The following CSMD1 variants were observed in gnomAD, a reference collection of about 807,000 sequenced individuals.
The protein encoded by CSMD1 is CUB and Sushi multiple domains 1.
CSMD1 carries 213 observed loss-of-function variants against 417.5 expected under a neutral mutation model. The ratio of observed to expected loss-of-function variants is 0.51; its 90% confidence interval spans 0.46 to 0.57. CSMD1 has a LOEUF of 0.57. Among genes scored for constraint, CSMD1 ranks in the 20% least tolerant of loss-of-function variants. The pLI is 0.00. For missense variants in CSMD1, 6,923 were observed against 4,529.7 expected (o/e 1.53, Z -15.17); for synonymous variants, 2,862 against 1,736.8 (o/e 1.65, Z -16.11).
At chr8:3,926,116 C>A (rs371337878) in intron 5 of CSMD1, among the ~76,000 whole-genome samples, 12 of 106,970 alleles carry the variant, frequency 1.1e-4, no homozygotes, top group African/African-American at 1.3e-4. Flanking sequence ...CACACACACA[C>A]ACACACACAC....
intron 21 of CSMD1, among the ~76,000 whole-genome samples, chr8:3,350,476 T>A (rs1218937713): frequency 6.6e-6 from 1 of 152,148 alleles, no homozygotes; most frequent in Non-Finnish European, 1.5e-5. Context: ...TGATGTGATA[T>A]AAACTGTGAA....
chr8:3,111,879 A>C (rs1055950869), intron 42 of CSMD1, among the ~76,000 whole-genome samples: 4 of 152,018 alleles, frequency 2.6e-5, no homozygotes, highest in South Asian at 2.1e-4. Context: ...TCCCCATAAC[A>C]AGCTACTTTT....
At chr8:3,706,882 T>C (rs954934692) in intron 7 of CSMD1, among the ~76,000 whole-genome samples, 7 of 152,226 alleles carry the variant, frequency 4.6e-5, no homozygotes, top group African/African-American at 1.7e-4. Flanking sequence ...TTCTACTGTT[T>C]CTCAGATTTT....
intron 50 of CSMD1, among the ~76,000 whole-genome samples, chr8:3,048,663 C>T (rs1366406223): frequency 6.6e-6 from 1 of 151,926 alleles, no homozygotes; most frequent in East Asian, 1.9e-4. Context: ...TTGTGGTGCC[C>T]TTGGGTTTGG....
At chr8:3,320,984 G>C (rs749803207) in intron 23 of CSMD1, among the ~76,000 whole-genome samples, 1 of 152,084 alleles carries the variant, frequency 6.6e-6, no homozygotes, top group Non-Finnish European at 1.5e-5. Flanking sequence ...GGAAATAAAG[G>C]CCGTGAGTTC....
intron 3 of CSMD1, among the ~76,000 whole-genome samples, chr8:4,355,831 C>G (rs947362396): frequency 2.2e-4 from 33 of 152,302 alleles, no homozygotes; most frequent in African/African-American, 7.2e-4. Flanking sequence ...TTTCTAGATT[C>G]CAGGCCGAAA....
At chr8:3,298,743 C>T (rs553016695) in intron 25 of CSMD1, among the ~76,000 whole-genome samples, 1 of 152,322 alleles carries the variant, frequency 6.6e-6, no homozygotes, top group African/African-American at 2.4e-5. Context: ...CGTAAGCCAT[C>T]GTGCCCGACA....
In CSMD1 at chr8:4,606,855, A is replaced by C. The variant is rs560097808; in HGVS notation, c.302+30487T>G. Among the ~76,000 whole-genome samples, 452 of 152,346 alleles carry C rather than the reference A, an allele frequency of 3.0e-3. 1 individual carries two copies. The highest frequency in any genetic ancestry group is 0.01 in the African/African-American group (432 of 41,578). ...CAGAAATAATATGACATTTTAATTA[A>C]AGTGAAATCACAAAAATAACTCAAA... On this transcript the variant is annotated intron_variant, in intron 2 of 69. Coordinates refer to ENST00000635120, the MANE Select transcript of CSMD1 (RefSeq NM_033225.6).
At chr8:4,633,313 C>A (rs753001289) in intron 2 of CSMD1, among the ~76,000 whole-genome samples, 1 of 151,958 alleles carries the variant, frequency 6.6e-6, no homozygotes, top group Non-Finnish European at 1.5e-5. Flanking sequence ...GTGGTGCGAT[C>A]TCGGCTCACT....
intron 5 of CSMD1, among the ~76,000 whole-genome samples, chr8:3,940,415 TA>T (rs1684984990): frequency 6.6e-6 from 1 of 152,060 alleles, no homozygotes; most frequent in African/African-American, 2.4e-5. Context: ...AAAATGTTTA[TA>T]ATATGTATGT....
intron 10 of CSMD1, among the ~76,000 whole-genome samples, chr8:3,500,950 G>C (rs975140884): frequency 6.6e-6 from 1 of 152,096 alleles, no homozygotes; most frequent in African/African-American, 2.4e-5. Context: ...AAGAGAATAA[G>C]AATGATTCAA....
rs191505057 is a variant in CSMD1 at position 4,548,975 on chromosome 8, C to T, written c.302+88367G>A. On this transcript the variant is annotated intron_variant, in intron 2 of 69. Transcript: ENST00000635120. Reference sequence around the variant, plus strand: ...GTTAATTTTGCATAAAGTTTTGAGACGCAATTGTATTTTTTTATTTCCAAG... The same window carrying T: ...GTTAATTTTGCATAAAGTTTTGAGATGCAATTGTATTTTTTTATTTCCAAG... 1.3e-3 allele frequency among the ~76,000 whole-genome samples: 195 copies of T among 152,160 alleles called. 1 individual carries two copies. The highest frequency in any genetic ancestry group is 4.3e-3 in the African/African-American group (178 of 41,502).
intron 2 of CSMD1, among the ~76,000 whole-genome samples, chr8:4,508,671 T>A (rs1010677943): frequency 2.0e-5 from 3 of 152,114 alleles, no homozygotes. Context: ...TAATGCTTGA[T>A]AACAAGGCAG....
intron 2 of CSMD1, among the ~76,000 whole-genome samples, chr8:4,443,174 TAC>T (rs766969606): frequency 8.5e-5 from 13 of 152,328 alleles, no homozygotes; most frequent in Non-Finnish European, 1.8e-4. Flanking sequence ...GTAGAATTCT[TAC>T]AGTGATATAT....
intron 1 of CSMD1, among the ~76,000 whole-genome samples, chr8:4,853,285 G>A (rs186371378): frequency 2.6e-4 from 39 of 152,300 alleles, no homozygotes; most frequent in African/African-American, 9.1e-4. Flanking sequence ...TACAAAGAAA[G>A]AACAATTTTA....
At chr8:3,728,703 A>T (rs1442259955) in intron 6 of CSMD1, among the ~76,000 whole-genome samples, 2 of 152,168 alleles carry the variant, frequency 1.3e-5, no homozygotes, top group Non-Finnish European at 2.9e-5. Context: ...GTAATCTTGC[A>T]AATGATGCAA....
chr8:3,762,762 G>A (rs1438591157), intron 5 of CSMD1, among the ~76,000 whole-genome samples: 3 of 152,316 alleles, frequency 2.0e-5, no homozygotes, highest in African/African-American at 7.2e-5. Context: ...TTTATTCCCA[G>A]AGAGAGAAAG....
At chr8:3,449,860 A>G (rs1265726462) in intron 12 of CSMD1, among the ~76,000 whole-genome samples, 2 of 152,182 alleles carry the variant, frequency 1.3e-5, no homozygotes, top group Non-Finnish European at 2.9e-5. Context: ...TAAAGTTTTA[A>G]GCCTCACGTT....
intron 1 of CSMD1, among the ~76,000 whole-genome samples, chr8:4,748,677 T>G (rs1186862029): frequency 6.6e-6 from 1 of 152,178 alleles, no homozygotes; most frequent in Non-Finnish European, 1.5e-5. Flanking sequence ...AAAATTCAAG[T>G]TTGTAGGGGG....
Sources: gnomAD v4.1 joint callset for allele counts (sites outside exome capture counted in the v4.1 genomes callset) on GRCh38, gnomAD v4.1.1 for gene constraint, MANE v1.5 for transcripts, NCBI Gene and HGNC (gene_info 2026-07-23, HGNC 2026-07-21) for gene names.